The following HECW1 variants were observed in gnomAD, a reference collection of about 807,000 sequenced individuals.
HECW1 encodes E3 ubiquitin-protein ligase HECW1.
A neutral mutation model predicts 182.3 loss-of-function variants in HECW1; 61 were observed. The observed-to-expected ratio is 0.33, with a 90% CI of 0.27 to 0.41. HECW1 has a LOEUF of 0.41. HECW1 is among the 10% of genes least tolerant of loss of function. HECW1 has a pLI of 1.00. For missense variants in HECW1, 1,739 were observed against 2,108.9 expected (o/e 0.82, Z 3.44); for synonymous variants, 859 against 832.6 (o/e 1.03, Z -0.55).
At chr7:43,308,971 G>A (rs1436405305) in intron 3 of HECW1, among the ~76,000 whole-genome samples, 1 of 152,126 alleles carries the variant, frequency 6.6e-6, no homozygotes, top group African/African-American at 2.4e-5. Flanking sequence ...GAACAAGAAG[G>A]GATATCACTG....
At chr7:43,346,966 G>C (rs1813768520) in intron 5 of HECW1, among the ~76,000 whole-genome samples, 1 of 152,126 alleles carries the variant, frequency 6.6e-6, no homozygotes, top group Non-Finnish European at 1.5e-5. Context: ...TCTTGCATTG[G>C]CTATGTGGGC....
chr7:43,171,766 C>T (rs1423773955), intron 2 of HECW1, among the ~76,000 whole-genome samples: 1 of 152,102 alleles, frequency 6.6e-6, no homozygotes. Flanking sequence ...ATCCCTTCTC[C>T]CTGTTGTTGG....
chr7:43,491,753 T>G (rs192635142), intron 17 of HECW1, among the ~76,000 whole-genome samples: 96 of 152,274 alleles, frequency 6.3e-4, no homozygotes, highest in Non-Finnish European at 8.5e-4. Context: ...CCACCACATC[T>G]GGCTAAGTTT....
chr7:43,159,500 A>T (rs929259765), intron 2 of HECW1, among the ~76,000 whole-genome samples: 1 of 151,902 alleles, frequency 6.6e-6, no homozygotes, highest in Non-Finnish European at 1.5e-5. Flanking sequence ...TAGTTTCCTT[A>T]AAAAAAATTT....
intron 24 of HECW1, chr7:43,523,240 G>A (rs1384373748): frequency 8.5e-6 from 2 of 234,244 alleles, no homozygotes; most frequent in Admixed American, 4.9e-5. Context: ...CCTGACCTCA[G>A]TTGATTCACC....
chr7:43,260,616 T>C (rs1282494327), intron 3 of HECW1, among the ~76,000 whole-genome samples: 2 of 152,208 alleles, frequency 1.3e-5, no homozygotes, highest in East Asian at 3.8e-4. Flanking sequence ...CAGGAGGCCA[T>C]AGGAGTGGCT....
chr7:43,530,401 AG>A (rs958670752), intron 24 of HECW1, among the ~76,000 whole-genome samples: 5 of 152,150 alleles, frequency 3.3e-5, no homozygotes, highest in South Asian at 4.1e-4. Flanking sequence ...TTATCACATC[AG>A]TAAGGTATAC....
At chr7:43,402,729 G>A (rs1414550060) in intron 7 of HECW1, among the ~76,000 whole-genome samples, 1 of 152,170 alleles carries the variant, frequency 6.6e-6, no homozygotes, top group East Asian at 1.9e-4. Context: ...TAATGGAATT[G>A]CCTTCTTAGA....
intron 6 of HECW1, among the ~76,000 whole-genome samples, chr7:43,366,342 T>C (rs536114762): frequency 1.2e-3 from 188 of 152,298 alleles, no homozygotes; most frequent in African/African-American, 4.4e-3. Flanking sequence ...AAATAATTGA[T>C]AAATACCCTC....
chr7:43,311,930 C>G lies in HECW1; in HGVS notation c.195C>G (p.Arg65=). 6.2e-7 allele frequency: 1 copy of G among 1,614,224 alleles called. No individual in the cohort carries two copies. The highest frequency in any genetic ancestry group is 1.3e-5 in the African/African-American group (1 of 75,060). ...GGPHDGVTIP[R]STSDTDLVTS... is the part of the protein sequence containing the mutation. ...CCCACGATGGCGTCACCATTCCCCGCTCCACCAGCGACACTGACCTGGTCA... is the reference window on the plus strand; with the variant it reads ...CCCACGATGGCGTCACCATTCCCCGGTCCACCAGCGACACTGACCTGGTCA... The change falls in exon 4 of 30, where the codon CGC becomes CGG. Residue 65 remains arginine (R), a synonymous_variant. Coordinates refer to ENST00000395891, the MANE Select transcript of HECW1 (RefSeq NM_015052.5).
At chr7:43,312,874 G>A (rs918430499) in intron 4 of HECW1, among the ~76,000 whole-genome samples, 2 of 152,282 alleles carry the variant, frequency 1.3e-5, no homozygotes, top group South Asian at 2.1e-4. Flanking sequence ...CCCAAAAGTC[G>A]AGTTATAATT....
intron 6 of HECW1, among the ~76,000 whole-genome samples, chr7:43,379,049 A>G (rs2074444154): frequency 6.6e-6 from 1 of 152,154 alleles, no homozygotes; most frequent in African/African-American, 2.4e-5. Flanking sequence ...ATAGGAAGTT[A>G]AGAGCACAAC....
Position 43,442,577 on chromosome 7 carries a change from T to G in HECW1, c.993T>G (p.His331Gln). The change falls in exon 10 of 30, where the codon CAT (histidine) becomes CAG (glutamine). Residue 331 changes from histidine (H) to glutamine (Q), a missense_variant. His to Gln is a conservative substitution (Grantham distance 24, BLOSUM62 0). Around this residue, in one of 5 missense-constraint regions of HECW1, gnomAD observed 66 missense variants for 113.8 expected, o/e 0.58. Coordinates refer to ENST00000395891, the MANE Select transcript of HECW1 (RefSeq NM_015052.5). ...YTLGRRLPTD[H>Q]VSGQLQFRFE... is the part of the protein sequence containing the mutation. ...TTGGCCGCAGGCTTCCAACAGATCA[T>G]GTGAGTGGACAGCTGCAATTCCGAT... is the stretch of plus-strand genomic sequence containing the variant. 1 of 1,614,024 alleles carries G rather than the reference T, an allele frequency of 6.2e-7. No homozygotes were observed. The highest frequency in any genetic ancestry group is 1.3e-5 in the African/African-American group (1 of 75,052).
Position 43,431,872 on chromosome 7 carries a change from G to A in HECW1, c.802-6131G>A, listed in dbSNP as rs998325586. 1.1e-4 allele frequency among the ~76,000 whole-genome samples: 15 copies of A among 131,396 alleles called. No homozygotes were observed. In the East Asian group the frequency reaches 1.9e-3, roughly 16 times the overall value. The allele number at this position is 131,396 out of a possible 152,430, so 86.2% of individuals were successfully genotyped here. A position where few individuals can be genotyped will look rare whatever the true frequency, so the allele number is the denominator to read the frequency against. Reference sequence around the variant, plus strand: ...CCTCCCACCCCTTCTTCATCCCACCGACACTTGCTTTTTTTTTTTTTTGAG... The same window carrying A: ...CCTCCCACCCCTTCTTCATCCCACCAACACTTGCTTTTTTTTTTTTTTGAG... On this transcript the variant is annotated intron_variant, in intron 8 of 29. Transcript: ENST00000395891.
At chr7:43,198,531 C>A (rs572921120) in intron 2 of HECW1, among the ~76,000 whole-genome samples, 1 of 150,730 alleles carries the variant, frequency 6.6e-6, no homozygotes, top group Admixed American at 6.6e-5. Context: ...AGACACCACA[C>A]TCACACTCCA....
rs536991630 is a variant in HECW1, at chr7:43,301,448, G to A, written c.28-10315G>A. ...TTGTGTCATAGTTGACTGCTTAAAT[G>A]TCTGCCTCCTGCACCAAACTCTCCG... On this transcript the variant is annotated intron_variant, in intron 3 of 29. Transcript: ENST00000395891. Among the ~76,000 whole-genome samples, 77 of 152,292 alleles carry A rather than the reference G, an allele frequency of 5.1e-4. No homozygotes were observed. The Middle Eastern group carries it at 0.02, about 40-fold the overall frequency.
intron 2 of HECW1, among the ~76,000 whole-genome samples, chr7:43,205,596 A>C (rs994892707): frequency 1.3e-5 from 2 of 152,200 alleles, no homozygotes; most frequent in African/African-American, 4.8e-5. Flanking sequence ...CAACATTGGC[A>C]GTTAAAACAA....
rs536169305 is a variant in HECW1, at chr7:43,161,724, A to G, written c.-32+47333A>G. On this transcript the variant is annotated intron_variant, in intron 2 of 29. Coordinates refer to ENST00000395891, the MANE Select transcript of HECW1 (RefSeq NM_015052.5). ...GAGGGTGAACTTCCAAGGTCTCTGT[A>G]TCACTAAGGTGATTCTGTTACTCCT... 155 of 152,218 alleles carry G rather than the reference A, an allele frequency of 1.0e-3. 1 individual carries two copies. Among genetic ancestry groups the G allele is most frequent in the African/African-American group, 3.6e-3 (149 of 41,526 alleles). 9.4% of individuals were successfully genotyped at this position (152,218 alleles called of 1,614,324 possible).
At chr7:43,485,410 A>T (rs2078591755) in intron 17 of HECW1, among the ~76,000 whole-genome samples, 1 of 152,244 alleles carries the variant, frequency 6.6e-6, no homozygotes, top group Admixed American at 6.5e-5. Flanking sequence ...ACACCTTTGA[A>T]AATAAACTGT....
Sources: gnomAD v4.1 joint callset for allele counts (sites outside exome capture counted in the v4.1 genomes callset) on GRCh38, gnomAD v4.1.1 for gene constraint, gnomAD v4.1.1 regional missense constraint, MANE v1.5 for transcripts, NCBI Gene and HGNC (gene_info 2026-07-23, HGNC 2026-07-21) for gene names.